The following TRPM3 variants were observed in gnomAD, a reference collection of about 807,000 sequenced individuals.
TRPM3 encodes the protein transient receptor potential cation channel subfamily M member 3, also known as long transient receptor potential channel 3.
TRPM3 carries 77 observed loss-of-function variants against 181.2 expected under a neutral mutation model. The ratio of observed to expected loss-of-function variants is 0.42; its 90% CI spans 0.35 to 0.51. The LOEUF (loss-of-function observed/expected upper bound fraction) is 0.51, where lower values mean the gene tolerates loss of function less well. Ranked by LOEUF, TRPM3 falls within the 20% of genes least tolerant of loss-of-function variation. TRPM3 has a pLI of 0.01. For missense variants in TRPM3, 1,759 were observed against 2,196.7 expected (o/e 0.80, Z 3.98); for synonymous variants, 745 against 796.4 (o/e 0.94, Z 1.09).
At chr9:70,600,073 C>T (rs1302678231) in intron 20 of TRPM3, among the ~76,000 whole-genome samples, 1 of 152,140 alleles carries the variant, frequency 6.6e-6, no homozygotes, top group Non-Finnish European at 1.5e-5. Context: ...GGGACTCTTG[C>T]CTTACCTTAA....
chr9:71,323,224 G>A (rs775009004), intron 1 of TRPM3, among the ~76,000 whole-genome samples: 16 of 151,988 alleles, frequency 1.1e-4, no homozygotes, highest in Admixed American at 4.6e-4. Flanking sequence ...AGCACAGTTG[G>A]GGCAAAAGTC....
intron 1 of TRPM3, among the ~76,000 whole-genome samples, chr9:71,032,013 TA>T (rs2057431978): frequency 1.8e-3 from 1 of 546 alleles, no homozygotes; most frequent in Non-Finnish European, 0.014. Context: ...ATATAATATA[TA>T]ATATATATAT....
chr9:70,646,569 G>C (rs576111482), intron 9 of TRPM3, among the ~76,000 whole-genome samples: 9 of 152,076 alleles, frequency 5.9e-5, no homozygotes, highest in Non-Finnish European at 1.2e-4. Context: ...GGCCTGTTAG[G>C]GGGTGAGGGG....
intron 6 of TRPM3, among the ~76,000 whole-genome samples, chr9:70,787,763 C>CTTTTTTTTTTTTTTTTTTTTTTGT (rs2084089646): frequency 4.4e-5 from 3 of 68,558 alleles, no homozygotes; most frequent in South Asian, 8.4e-4. Context: ...TTTTTGGATT[C>CTTTTTTTTTTTTTTTTTTTTTTGT]TTTTTTTTTT....
intron 7 of TRPM3, among the ~76,000 whole-genome samples, chr9:70,779,550 C>T (rs1003416263): frequency 3.3e-5 from 5 of 152,058 alleles, no homozygotes; most frequent in African/African-American, 4.8e-5. Context: ...TCTGACACTT[C>T]GGTTGAGCAT....
At chr9:71,400,870 C>T (rs1169470800) in intron 1 of TRPM3, among the ~76,000 whole-genome samples, 1 of 150,952 alleles carries the variant, frequency 6.6e-6, no homozygotes, top group Non-Finnish European at 1.5e-5. Flanking sequence ...GAAAGGTATT[C>T]TAATGCTTAT....
At chr9:70,923,937 C>CATAT (rs533757528) in intron 1 of TRPM3, among the ~76,000 whole-genome samples, 1 of 145,002 alleles carries the variant, frequency 6.9e-6, no homozygotes, top group Non-Finnish European at 1.5e-5. Flanking sequence ...CACATATATA[C>CATAT]ATATATATAT....
At chr9:71,381,302 A>T (rs149575291) in intron 1 of TRPM3, among the ~76,000 whole-genome samples, 60 of 152,234 alleles carry the variant, frequency 3.9e-4, no homozygotes, top group African/African-American at 1.4e-3. Flanking sequence ...GGATTTATCC[A>T]GGCATAGAGT....
chr9:71,237,470 T>A lies in TRPM3; in HGVS notation c.183+209183A>T, dbSNP rs1311769640. Among the ~76,000 whole-genome samples, 5 of 152,268 alleles carry A rather than the reference T, an allele frequency of 3.3e-5. 1 individual carries two copies. In the South Asian group the frequency reaches 8.3e-4, roughly 25 times the overall value. ...AGGTGGCTGAGGGGAAAAAAGGGTG[T>A]GGATAGCAACAGAAAACCCACATTT... On this transcript the variant is annotated intron_variant, in intron 1 of 24. Coordinates refer to the TRPM3 transcript ENST00000357533.
chr9:70,586,226 C>T (rs769614198), intron 22 of TRPM3, among the ~76,000 whole-genome samples: 3 of 152,196 alleles, frequency 2.0e-5, no homozygotes, highest in Non-Finnish European at 4.4e-5. Flanking sequence ...GACAAAGCCT[C>T]CGTCACATGT....
chr9:71,227,559 GAA>G lies in TRPM3; in HGVS notation c.183+219092_183+219093del, dbSNP rs1462845628. On this transcript the variant is annotated intron_variant, in intron 1 of 24. Coordinates refer to the TRPM3 transcript ENST00000357533. ...CGATGGAACAAAAACTGGATTTTTT[GAA>G]AAGATAAACAAAATTGACAAACCTT... 2.6e-5 allele frequency among the ~76,000 whole-genome samples: 4 copies of G among 151,796 alleles called. No individual in the cohort carries two copies. In the East Asian group the frequency reaches 7.7e-4, roughly 29 times the overall value.
At chr9:71,021,296 CTTA>C (rs139820490) in intron 1 of TRPM3, among the ~76,000 whole-genome samples, 181 of 152,246 alleles carry the variant, frequency 1.2e-3, no homozygotes, top group African/African-American at 4.0e-3. Context: ...ATGGTGAAAA[CTTA>C]TTAAGCTATG....
intron 1 of TRPM3, among the ~76,000 whole-genome samples, chr9:71,072,236 A>G (rs2062860819): frequency 6.6e-6 from 1 of 152,200 alleles, no homozygotes; most frequent in Admixed American, 6.5e-5. Context: ...TTGTCATTAC[A>G]GTTGGTCAGC....
chr9:71,123,845 T>C (rs1200528987), upstream of TRPM3, among the ~76,000 whole-genome samples: 3 of 152,198 alleles, frequency 2.0e-5, no homozygotes, highest in East Asian at 1.9e-4. Flanking sequence ...CTCTGCTCCA[T>C]GAAAATGCTG....
chr9:70,971,151 A>C (rs2097240461), intron 1 of TRPM3, among the ~76,000 whole-genome samples: 1 of 152,126 alleles, frequency 6.6e-6, no homozygotes, highest in African/African-American at 2.4e-5. Context: ...AAAACACTGA[A>C]TTATAAAATG....
At chr9:70,541,139 G>A (rs1387343569) in intron 25 of TRPM3, among the ~76,000 whole-genome samples, 1 of 152,184 alleles carries the variant, frequency 6.6e-6, no homozygotes, top group Non-Finnish European at 1.5e-5. Flanking sequence ...AGGAGGAAGA[G>A]TCTCTTCAGG....
At chr9:70,946,466 G>A (rs971199593) in intron 1 of TRPM3, among the ~76,000 whole-genome samples, 9 of 146,730 alleles carry the variant, frequency 6.1e-5, no homozygotes, top group East Asian at 5.9e-4. Context: ...AATAATAACA[G>A]CAGCAATATT....
rs61419963 is a variant in TRPM3 at position 71,342,457 on chromosome 9, TTGAG to T, written c.183+104192_183+104195del. On this transcript the variant is annotated intron_variant, in intron 1 of 24. Transcript: ENST00000357533. ...AATAAATTATGATACAATTACACAA[TTGAG>T]TATTATACAGCTATAAAAAGTAATT... Among the ~76,000 whole-genome samples, 43 of 151,698 alleles carry T rather than the reference TTGAG, an allele frequency of 2.8e-4. No homozygotes were observed. In the East Asian group the frequency reaches 7.9e-3, roughly 28 times the overall value.
At chr9:71,200,407 A>G (rs2078702588) in intron 1 of TRPM3, among the ~76,000 whole-genome samples, 2 of 150,634 alleles carry the variant, frequency 1.3e-5, no homozygotes, top group Admixed American at 6.6e-5. Context: ...TGCAGAGCTG[A>G]GTTCAATTCC....
Sources: gnomAD v4.1 joint callset for allele counts (sites outside exome capture counted in the v4.1 genomes callset) on GRCh38, gnomAD v4.1.1 for gene constraint, MANE v1.5 for transcripts, NCBI Gene and HGNC (gene_info 2026-07-23, HGNC 2026-07-21) for gene names.